COPG2: variants seen among roughly 807,000 people sequenced by gnomAD.
The protein encoded by COPG2 is coatomer subunit gamma-2.
A neutral mutation model predicts 46.3 loss-of-function variants in COPG2; 37 were observed. The ratio of observed to expected loss-of-function variants is 0.80; its 90% confidence interval spans 0.61 to 1.05. COPG2 has a LOEUF of 1.05. COPG2 is among the 50% of genes least tolerant of loss of function. The pLI is 0.00. For synonymous variants in COPG2, 159 were observed against 129.7 expected, an observed-to-expected ratio of 1.23 and a Z score of -1.53; for missense variants, 427 against 387.8, an observed-to-expected ratio of 1.10 and a Z score of -0.85.
intron 20 of COPG2, among the ~76,000 whole-genome samples, chr7:130,532,978 A>G (rs1799843616): frequency 6.6e-6 from 1 of 152,052 alleles, no homozygotes; most frequent in Non-Finnish European, 1.5e-5. Flanking sequence ...GTAGAGGAGG[A>G]AAGCAGGAGA....
chr7:130,630,351 C>G (rs1199069732), intron 5 of COPG2, among the ~76,000 whole-genome samples: 3 of 152,196 alleles, frequency 2.0e-5, no homozygotes, highest in African/African-American at 7.2e-5. Flanking sequence ...CAACTTACAA[C>G]TGCTCTTGGC....
chr7:130,617,682 A>G (rs918168486), intron 5 of COPG2, among the ~76,000 whole-genome samples: 1 of 152,188 alleles, frequency 6.6e-6, no homozygotes, highest in Non-Finnish European at 1.5e-5. Flanking sequence ...TACTACTGCT[A>G]TCAATCTCTC....
intron 20 of COPG2, among the ~76,000 whole-genome samples, chr7:130,517,731 G>A (rs1799691029): frequency 6.6e-6 from 1 of 152,202 alleles, no homozygotes; most frequent in Non-Finnish European, 1.5e-5. Flanking sequence ...AGCCAAAATG[G>A]ATAGGTAAGA....
chr7:130,633,837 G>T (rs1474199645), intron 5 of COPG2, among the ~76,000 whole-genome samples: 1 of 152,076 alleles, frequency 6.6e-6, no homozygotes, highest in East Asian at 1.9e-4. Flanking sequence ...TTCTTCTAGG[G>T]TTTTTATGGT....
chr7:130,617,586 T>G (rs918691019), intron 5 of COPG2, among the ~76,000 whole-genome samples: 28 of 152,174 alleles, frequency 1.8e-4, no homozygotes, highest in Non-Finnish European at 2.9e-5. Context: ...CAGGCAGAGG[T>G]GTGAACTAGC....
At chr7:130,507,124 T>C (rs1364853045) in intron 23 of COPG2, 150 bp downstream of exon 23, 2 of 658,448 alleles carry the variant, frequency 3.0e-6, no homozygotes, top group Non-Finnish European at 5.5e-6. Context: ...AAGAATAGCA[T>C]GCAAAACAAA....
chr7:130,637,175 G>A (rs529811074), intron 5 of COPG2, among the ~76,000 whole-genome samples: 2 of 151,976 alleles, frequency 1.3e-5, no homozygotes, highest in Admixed American at 6.6e-5. Flanking sequence ...TCATTTCAAC[G>A]TTGGTGAATC....
At chr7:130,667,754 C>A (rs1584624491) in intron 1 of COPG2, among the ~76,000 whole-genome samples, 2 of 152,336 alleles carry the variant, frequency 1.3e-5, no homozygotes, top group African/African-American at 4.8e-5. Flanking sequence ...GCAACCCTCT[C>A]CAAAATGAGT....
chr7:130,599,356 G>A (rs1554450066), intron 9 of COPG2, among the ~76,000 whole-genome samples: 1 of 152,100 alleles, frequency 6.6e-6, no homozygotes, highest in East Asian at 1.9e-4. Flanking sequence ...ATTTCACCTA[G>A]GACCTCATTA....
At chr7:130,542,362 C>A (rs986387457) in intron 20 of COPG2, among the ~76,000 whole-genome samples, 1 of 151,672 alleles carries the variant, frequency 6.6e-6, no homozygotes, top group Non-Finnish European at 1.5e-5. Flanking sequence ...CATGGCGAGA[C>A]GATGGAAGGC....
At chr7:130,588,323 G>T (rs1232692438) in intron 9 of COPG2, among the ~76,000 whole-genome samples, 3 of 151,716 alleles carry the variant, frequency 2.0e-5, no homozygotes, top group Non-Finnish European at 4.4e-5. Context: ...TACAAATCAT[G>T]CTGCTATAAA....
intron 5 of COPG2, among the ~76,000 whole-genome samples, chr7:130,634,944 C>T (rs1795305874): frequency 6.6e-6 from 1 of 151,422 alleles, no homozygotes; most frequent in Admixed American, 6.6e-5. Context: ...TATCAAAGGC[C>T]TTTTCTGCAT....
chr7:130,572,100 G>GTAA (rs1554445631), intron 9 of COPG2, among the ~76,000 whole-genome samples: 1 of 152,100 alleles, frequency 6.6e-6, no homozygotes, highest in African/African-American at 2.4e-5. Context: ...GGGGAAGAGA[G>GTAA]GGAGGGGAGT....
chr7:130,664,879 T>C (rs960945742), intron 3 of COPG2, among the ~76,000 whole-genome samples: 4 of 152,164 alleles, frequency 2.6e-5, no homozygotes, highest in African/African-American at 9.7e-5. Context: ...ATATATTTTA[T>C]TTAAAACTAT....
chr7:130,645,226 T>C (rs1795571635), intron 5 of COPG2: 3 of 701,110 alleles, frequency 4.3e-6, no homozygotes, highest in Middle Eastern at 5.3e-4. Context: ...CTCGGCTGTG[T>C]GAGAAAGGCT....
chr7:130,527,151 T>C, intron 20 of COPG2, among the ~76,000 whole-genome samples: 1 of 151,682 alleles, frequency 6.6e-6, no homozygotes, highest in South Asian at 2.1e-4. Flanking sequence ...AAGGACCTGA[T>C]GGGTGTCCAT....
At chr7:130,621,137 T>C (rs1035898980) in intron 5 of COPG2, among the ~76,000 whole-genome samples, 1 of 152,092 alleles carries the variant, frequency 6.6e-6, no homozygotes, top group African/African-American at 2.4e-5. Context: ...AAAGGGGAGC[T>C]AGGATTCGAG....
intron 3 of COPG2, among the ~76,000 whole-genome samples, chr7:130,665,605 A>G (rs1728358500): frequency 2.0e-5 from 3 of 152,142 alleles, no homozygotes. Context: ...TCTAGAGATT[A>G]TAGTCTAAGT....
chr7:130,661,649 T>C (rs1212025699), intron 4 of COPG2, among the ~76,000 whole-genome samples: 4 of 152,196 alleles, frequency 2.6e-5, no homozygotes, highest in African/African-American at 9.7e-5. Context: ...AGTGGCAAAA[T>C]ATTTAAAATC....
Sources: gnomAD v4.1 joint callset for allele counts (sites outside exome capture counted in the v4.1 genomes callset) on GRCh38, gnomAD v4.1.1 for gene constraint, MANE v1.5 for transcripts, NCBI Gene and HGNC (gene_info 2026-07-23, HGNC 2026-07-21) for gene names.